ZBBX: variants seen among roughly 807,000 people sequenced by gnomAD.
ZBBX encodes zinc finger B-box domain containing.
ZBBX carries 101 observed loss-of-function variants against 108.5 expected under a neutral mutation model. The ratio of observed to expected loss-of-function variants is 0.93; its 90% CI spans 0.79 to 1.10. ZBBX has a LOEUF of 1.10. Ranked by LOEUF, ZBBX falls within the 50% of genes least tolerant of loss-of-function variation. The pLI, the probability that ZBBX is intolerant of heterozygous loss-of-function variation, is 0.00. For missense variants in ZBBX, 1,009 were observed against 941.4 expected, an observed-to-expected ratio of 1.07 and a Z score of -0.94; for synonymous variants, 356 against 323.4, an observed-to-expected ratio of 1.10 and a Z score of -1.08.
chr3:167,358,418 A>T (rs1421276350), intron 8 of ZBBX, among the ~76,000 whole-genome samples: 1 of 152,078 alleles, frequency 6.6e-6, no homozygotes, highest in East Asian at 1.9e-4. Context: ...ACAGAGTTTC[A>T]GTTTTGCAAG....
chr3:167,239,018 G>A (rs4245910), downstream of ZBBX, among the ~76,000 whole-genome samples: 123,634 of 151,986 alleles, frequency 0.81, 50,707 homozygotes, highest in African/African-American at 0.92. Context: ...CTATCTATCA[G>A]TTGATCTATC....
At chr3:167,322,443 ATC>A (rs1015423308) in intron 11 of ZBBX, among the ~76,000 whole-genome samples, 10 of 151,986 alleles carry the variant, frequency 6.6e-5, no homozygotes, top group Admixed American at 2.0e-4. Flanking sequence ...TTCTTCAACA[ATC>A]TCTTGAAATG....
At chr3:167,327,786 C>T (rs751513254) in intron 11 of ZBBX, among the ~76,000 whole-genome samples, 156 bp downstream of exon 11, 1 of 151,736 alleles carries the variant, frequency 6.6e-6, no homozygotes, top group Non-Finnish European at 1.5e-5. Context: ...TGGTGGCACG[C>T]ACTTGTAATC....
chr3:167,366,535 A>T (rs926684960), intron 5 of ZBBX, among the ~76,000 whole-genome samples: 1 of 151,872 alleles, frequency 6.6e-6, no homozygotes, highest in African/African-American at 2.4e-5. Flanking sequence ...CAAGGCAGAG[A>T]GTCCAATTAT....
chr3:167,259,109 T>G (rs912895715), intron 20 of ZBBX, among the ~76,000 whole-genome samples: 8 of 13,070 alleles, frequency 6.1e-4, no homozygotes, highest in African/African-American at 1.4e-3. Context: ...TCATGGACCC[T>G]TTTTTTTGAT....
chr3:167,407,247 T>C (rs1170449875), intron 1 of ZBBX, among the ~76,000 whole-genome samples: 1 of 152,230 alleles, frequency 6.6e-6, no homozygotes, highest in African/African-American at 2.4e-5. Context: ...TTAAACAGCA[T>C]AAAATATCTC....
At chr3:167,303,188 G>T (rs961854687) in intron 17 of ZBBX, among the ~76,000 whole-genome samples, 4 of 152,002 alleles carry the variant, frequency 2.6e-5, no homozygotes, top group African/African-American at 7.3e-5. Context: ...ATTTTCTATG[G>T]TCCCCTTTTC....
At chr3:167,401,091 C>T (rs191010305) in intron 1 of ZBBX, among the ~76,000 whole-genome samples, 18 of 152,132 alleles carry the variant, frequency 1.2e-4, no homozygotes, top group African/African-American at 1.7e-4. Context: ...GGTCCTTGGA[C>T]TCAAATATTG....
rs550638040 is a variant in ZBBX, at chr3:167,354,411, T to C, written c.433-3896A>G. ...AAATTCAGTATTTAAAAAGAATGCATGGTCTGGTATGTATCAAAATCCAAA... is the reference window on the plus strand; with the variant it reads ...AAATTCAGTATTTAAAAAGAATGCACGGTCTGGTATGTATCAAAATCCAAA... On this transcript the variant is annotated intron_variant, in intron 8 of 21. Coordinates refer to ENST00000675490, the MANE Select transcript of ZBBX (RefSeq NM_001199201.2). Among the ~76,000 whole-genome samples, 6 of 151,998 alleles carry C rather than the reference T, an allele frequency of 3.9e-5. No individual in the cohort carries two copies. In the South Asian group the frequency reaches 8.3e-4, roughly 21 times the overall value.
chr3:167,368,742 C>T (rs1745721866), intron 4 of ZBBX, 168 bp from the exon 5 acceptor site: 3 of 1,269,158 alleles, frequency 2.4e-6, no homozygotes, highest in African/African-American at 1.6e-5. Flanking sequence ...ATTTGCCTTC[C>T]ATCAAAATCC....
chr3:167,319,804 T>C lies in ZBBX; in HGVS notation c.984-2207A>G, dbSNP rs138731474. On this transcript the variant is annotated intron_variant, in intron 12 of 21. Coordinates refer to ENST00000675490, the MANE Select transcript of ZBBX (RefSeq NM_001199201.2). ...CATACATATATATTTTAGGGCTAAT[T>C]AATAAATATATTATAGATAATGAAA... Among the ~76,000 whole-genome samples, 90 of 152,096 alleles carry C rather than the reference T, an allele frequency of 5.9e-4. No homozygotes were observed. In the East Asian group the frequency reaches 0.016, roughly 26 times the overall value.
intron 12 of ZBBX, among the ~76,000 whole-genome samples, chr3:167,321,193 GA>G (rs1312506165): frequency 2.0e-5 from 3 of 151,716 alleles, no homozygotes; most frequent in South Asian, 2.1e-4. Flanking sequence ...TAATCCAAAA[GA>G]AAAAAAATCT....
At chr3:167,282,130 G>A in intron 20 of ZBBX, 108 bp downstream of exon 20, 1 of 1,207,322 alleles carries the variant, frequency 8.3e-7, no homozygotes, top group Non-Finnish European at 1.1e-6. Context: ...GAAGAAAAAG[G>A]AAAGCTTTCT....
chr3:167,256,237 T>C (rs955134278), intron 20 of ZBBX, among the ~76,000 whole-genome samples: 1 of 152,144 alleles, frequency 6.6e-6, no homozygotes, highest in Non-Finnish European at 1.5e-5. Context: ...CATCCAAATC[T>C]TGGCCATTGT....
chr3:167,313,935 T>C lies in ZBBX; in HGVS notation c.1417+39A>G, dbSNP rs759724853. On this transcript the variant is annotated intron_variant, in intron 16 of 21. Transcript: ENST00000675490. ...AGACTGCAATAGTAAATTATCAACA[T>C]GCACTGTTAATAATATCCAGCAACA... is the stretch of plus-strand genomic sequence containing the variant. 2.7e-6 allele frequency: 4 copies of C among 1,499,570 alleles called. No homozygotes were observed. The South Asian group carries it at 4.2e-5, about 16-fold the overall frequency. 92.9% of individuals were successfully genotyped at this position (1,499,570 alleles called of 1,614,324 possible).
chr3:167,282,106 G>A (rs1017577241), intron 20 of ZBBX, 132 bp downstream of exon 20: 25 of 978,284 alleles, frequency 2.6e-5, no homozygotes, highest in South Asian at 1.6e-4. Context: ...CAGACACAAC[G>A]GTTGATGGTT....
chr3:167,307,371 A>C (rs2108240824), intron 16 of ZBBX, among the ~76,000 whole-genome samples: 1 of 152,206 alleles, frequency 6.6e-6, no homozygotes, highest in East Asian at 1.9e-4. Flanking sequence ...AATCCAGAAA[A>C]CCCCATAGCT....
In ZBBX at chr3:167,379,034, A is replaced by C. The variant is rs139650899; in HGVS notation, c.-132+604T>G. ...CCCCAGCAATCAATACAGTCCCTAT[A>C]CATAATGTAGTGCCAATAATAATGT... On this transcript the variant is annotated intron_variant, in intron 2 of 21. Transcript: ENST00000675490. 3.9e-3 allele frequency among the ~76,000 whole-genome samples: 591 copies of C among 152,312 alleles called. 8 individuals carry two copies. Among genetic ancestry groups the C allele is most frequent in the African/African-American group, 0.013 (551 of 41,572 alleles).
chr3:167,271,368 T>C lies in ZBBX; in HGVS notation c.2254+10870A>G, dbSNP rs142180082. 7.0e-3 allele frequency among the ~76,000 whole-genome samples: 1,065 copies of C among 152,318 alleles called. 13 individuals are homozygous for C. Among genetic ancestry groups the C allele is most frequent in the African/African-American group, 0.024 (1,018 of 41,568 alleles). On this transcript the variant is annotated intron_variant, in intron 20 of 21. Coordinates refer to ENST00000675490, the MANE Select transcript of ZBBX (RefSeq NM_001199201.2). The stretch of plus-strand genomic sequence containing the variant: ...TAGGGAAACAACTTAGCAGATCAGA[T>C]AGCCAAGCAGGCTGCCGTTTCATCT...
Sources: allele counts gnomAD v4.1 joint callset (sites outside exome capture counted in the v4.1 genomes callset), GRCh38; gene constraint gnomAD v4.1.1; transcripts MANE v1.5; gene names NCBI Gene and HGNC (gene_info 2026-07-23, HGNC 2026-07-21).